MYSM1: variants seen among roughly 807,000 people sequenced by gnomAD.
MYSM1 encodes the protein deubiquitinase MYSM1.
A neutral mutation model predicts 116.0 loss-of-function variants in MYSM1; 51 were observed. That is an observed-to-expected ratio of 0.44 (90% confidence interval 0.35 to 0.56). The LOEUF (loss-of-function observed/expected upper bound fraction) is 0.56. Ranked by LOEUF, MYSM1 falls within the 20% of genes least tolerant of loss-of-function variation. MYSM1 has a pLI of 0.00. For synonymous variants in MYSM1, 313 were observed against 315.2 expected, an observed-to-expected ratio of 0.99 and a Z score of 0.07; for missense variants, 900 against 974.9, an observed-to-expected ratio of 0.92 and a Z score of 1.02.
intron 14 of MYSM1, 121 bp from the exon 15 acceptor site, chr1:58,668,042 G>A (rs1460329721): frequency 2.6e-6 from 2 of 757,856 alleles, no homozygotes; most frequent in East Asian, 2.5e-5. Flanking sequence ...ATAAAATAAA[G>A]TAGCATAGGA....
intron 12 of MYSM1, among the ~76,000 whole-genome samples, chr1:58,670,149 C>T (rs1644538978): frequency 6.6e-6 from 1 of 152,112 alleles, no homozygotes; most frequent in Admixed American, 6.6e-5. Context: ...GTGATCAGAA[C>T]CGTGCCTGAC....
At position 58,682,303 on chromosome 1, in the gene MYSM1, T is replaced by C. The variant is rs369166846; in HGVS notation, c.741A>G (p.Leu247=). Residue 247 remains leucine, a synonymous_variant, in exon 8 of 20, where the codon TTA becomes TTG. Transcript: ENST00000472487. ...PQKNSSSDLL[L]DFPNSKMHET... is the part of the protein sequence containing the mutation. ...CATGCATTTTACTATTAGGAAAGTC[T>C]AACAAGAGATCACTGCTAGAATTCT... 4.0e-5 allele frequency: 65 copies of C among 1,612,958 alleles called. No individual in the cohort carries two copies. In the African/African-American group the frequency reaches 6.3e-4, roughly 16 times the overall value.
rs1369769185 is a variant in MYSM1 at position 58,668,651 on chromosome 1, G to A, written c.1748C>T (p.Ala583Val). 1 of 1,605,578 alleles carries A rather than the reference G, an allele frequency of 6.2e-7. No homozygotes were observed. The highest frequency in any genetic ancestry group is 1.3e-5 in the African/African-American group (1 of 74,820). ...CCTTACCAAATCCATTATTAAAAGT[G>A]CTTCTGAAGCCACTTTCACCTGAAA... ...EPFQVKVASE[A>V]LLIMDLHAHV... Residue 583 changes from alanine (A) to valine (V), a missense_variant, in exon 14 of 20, where the codon GCA (alanine) becomes GTA (valine). By Grantham distance (64) the Ala-to-Val change is moderately conservative. Around this residue, in one of 3 missense-constraint regions of MYSM1, gnomAD observed 92 missense variants for 155.0 expected, o/e 0.59. Coordinates refer to ENST00000472487, the MANE Select transcript of MYSM1 (RefSeq NM_001085487.3).
intron 6 of MYSM1, among the ~76,000 whole-genome samples, chr1:58,686,005 A>AG (rs1347726336): frequency 3.9e-5 from 6 of 152,280 alleles, no homozygotes; most frequent in African/African-American, 1.4e-4. Context: ...CGGCTCATGC[A>AG]GCCTCAACCT....
At chr1:58,686,497 G>A (rs1008569202) in intron 6 of MYSM1, among the ~76,000 whole-genome samples, 6 of 152,168 alleles carry the variant, frequency 3.9e-5, no homozygotes, top group East Asian at 3.9e-4. Flanking sequence ...CATGCCTTAC[G>A]GTAGCAAATC....
In MYSM1 at chr1:58,660,721, T is replaced by C. The variant is rs549378974; in HGVS notation, c.2328+449A>G. ...TTGCAGATCTACTAGCCTTCAATCA[T>C]TACAGAAGCAAAACCTAGACGTGAA... On this transcript the variant is annotated intron_variant, in intron 19 of 19. Transcript: ENST00000472487. Among the ~76,000 whole-genome samples the C allele has an allele frequency of 7.9e-5, 12 of 152,244 alleles. No homozygotes were observed. In the South Asian group the frequency reaches 2.3e-3, roughly 29 times the overall value.
chr1:58,672,374 G>T (rs758978894), intron 11 of MYSM1, among the ~76,000 whole-genome samples: 34 of 152,026 alleles, frequency 2.2e-4, no homozygotes, highest in Non-Finnish European at 4.7e-4. Context: ...TTATTTACTA[G>T]CTTGGTGACC....
intron 14 of MYSM1, among the ~76,000 whole-genome samples, chr1:58,668,125 T>C (rs1389291823): frequency 6.6e-6 from 1 of 152,200 alleles, no homozygotes; most frequent in African/African-American, 2.4e-5. Flanking sequence ...GCTGAGAAGC[T>C]TTCAACCAAA....
At chr1:58,661,105 C>G (rs554309598) in intron 19 of MYSM1, 65 bp downstream of exon 19, 1 of 1,198,618 alleles carries the variant, frequency 8.3e-7, no homozygotes, top group South Asian at 1.2e-5. Context: ...CATGGGAAAA[C>G]ACATTGAGAT....
intron 17 of MYSM1, among the ~76,000 whole-genome samples, chr1:58,664,992 G>A (rs232789): frequency 0.27 from 40,598 of 152,058 alleles, 6,206 homozygotes; most frequent in African/African-American, 0.41. Context: ...TAAACCTCAG[G>A]GGAATCAAGT....
At chr1:58,667,357 T>G (rs1179645865) in intron 15 of MYSM1, 131 bp from the exon 16 acceptor site, 5 of 580,002 alleles carry the variant, frequency 8.6e-6, no homozygotes, top group African/African-American at 7.6e-5. Flanking sequence ...CACAGTTGCC[T>G]TTAACTTGCA....
intron 1 of MYSM1, among the ~76,000 whole-genome samples, chr1:58,696,945 CTG>C (rs1557529183): frequency 6.6e-6 from 1 of 152,128 alleles, no homozygotes; most frequent in African/African-American, 2.4e-5. Context: ...ATGATCAGAT[CTG>C]GATATAAGAA....
chr1:58,682,464 T>C lies in MYSM1; in HGVS notation c.580A>G (p.Lys194Glu), dbSNP rs141778225. 0.015 allele frequency: 24,850 copies of C among 1,614,100 alleles called. 254 individuals are homozygous for C. Among genetic ancestry groups the C allele is most frequent in the South Asian group, 0.028 (2,570 of 91,074 alleles). ...CTTAAACATGATGGTGTCCATGCCT[T>C]TGTCCCTTTATCTTCATTTTTAACT... ...LQVKNEDKGTKAWTPSCLRGR... is the reference protein window; with the variant it reads ...LQVKNEDKGTEAWTPSCLRGR... The change falls in exon 8 of 20, where the codon AAG becomes GAG. Residue 194 changes from lysine to glutamate, a missense_variant. Around this residue, in one of 3 missense-constraint regions of MYSM1, gnomAD observed 622 missense variants for 623.7 expected, o/e 1.00. Coordinates refer to ENST00000472487, the MANE Select transcript of MYSM1 (RefSeq NM_001085487.3).
rs764911016 is a variant in MYSM1, at chr1:58,669,020, T to C, written c.1680A>G (p.Gln560=). 3.1e-6 allele frequency: 5 copies of C among 1,599,600 alleles called. No homozygotes were observed. In the East Asian group the frequency reaches 1.1e-4, roughly 36 times the overall value. Residue 560 remains glutamine (Q), a synonymous_variant, in exon 13 of 20, where the codon CAA becomes CAG. Coordinates refer to ENST00000472487, the MANE Select transcript of MYSM1 (RefSeq NM_001085487.3). ...RPTKSSFDPF[Q]LIPCNFFSEE... ...CACTAAAAAAATTACAAGGTATCAG[T>C]TGGAAGGGATCAAACGAGCTGAAAA...
intron 19 of MYSM1, among the ~76,000 whole-genome samples, chr1:58,660,635 AT>A (rs1228016597): frequency 6.6e-6 from 1 of 152,156 alleles, no homozygotes; most frequent in Middle Eastern, 3.2e-3. Flanking sequence ...AGTAAAACAT[AT>A]TAAAAAGAAA....
At chr1:58,680,124 C>G (rs1644717168) in intron 8 of MYSM1, among the ~76,000 whole-genome samples, 2 of 151,826 alleles carry the variant, frequency 1.3e-5, no homozygotes, top group Non-Finnish European at 2.9e-5. Context: ...TAAATTTTGG[C>G]CATTCACCCT....
intron 16 of MYSM1, among the ~76,000 whole-genome samples, chr1:58,666,805 C>T (rs1422042871): frequency 6.6e-6 from 1 of 150,704 alleles, no homozygotes; most frequent in East Asian, 1.9e-4. Flanking sequence ...ACCTAAGAGG[C>T]AGAGGTTGCA....
intron 6 of MYSM1, 87 bp from the exon 7 acceptor site, chr1:58,685,338 AC>A: frequency 1.5e-6 from 1 of 675,338 alleles, no homozygotes; most frequent in Non-Finnish European, 2.4e-6. Flanking sequence ...AAAAAAAAAA[AC>A]TTAAAAAAAA....
Position 58,676,919 on chromosome 1 carries a change from T to G in MYSM1, c.1390+7A>C. 6.2e-7 allele frequency: 1 copy of G among 1,609,402 alleles called. No individual in the cohort carries two copies. The highest frequency in any genetic ancestry group is 8.5e-7 in the Non-Finnish European group (1 of 1,178,186). On this transcript the variant is annotated splice_region_variant and intron_variant, in intron 9 of 19. Transcript: ENST00000472487. The stretch of plus-strand genomic sequence containing the variant: ...AGTAAAAGATGTTGTTGGGTTTTTA[T>G]TTTTACCACATCCAAAATTGATTGC...
Sources: allele counts gnomAD v4.1 joint callset (sites outside exome capture counted in the v4.1 genomes callset), GRCh38; gene constraint gnomAD v4.1.1; regional missense constraint gnomAD v4.1.1; transcripts MANE v1.5; gene names NCBI Gene and HGNC (gene_info 2026-07-23, HGNC 2026-07-21).